RYR3: variants seen among roughly 807,000 people sequenced by gnomAD.
RYR3 encodes brain ryanodine receptor-calcium release channel.
Under a neutral mutation model 584.3 loss-of-function variants are expected in RYR3, and 207 were observed. The observed-to-expected ratio is 0.35, with a 90% CI of 0.32 to 0.40. The LOEUF is 0.40. Ranked by LOEUF, RYR3 falls within the 10% of genes least tolerant of loss-of-function variation. RYR3 has a pLI of 1.00. For synonymous variants in RYR3, 2,416 were observed against 2,248.5 expected (o/e 1.07, Z -2.11); for missense variants, 5,616 against 6,089.2 (o/e 0.92, Z 2.59).
chr15:33,813,563 C>A lies in RYR3; in HGVS notation c.10486C>A (p.Leu3496Ile). 6.2e-7 allele frequency: 1 copy of A among 1,613,772 alleles called. No homozygotes were observed. ...GGTGGCCTGTTTCAGGATGGCCCCT[C>A]TCTACAACCTGCCCAGGCAAGTATT... ...AVVACFRMAPLYNLPRHRSIN... is the reference protein window; with the variant it reads ...AVVACFRMAPIYNLPRHRSIN... Residue 3496 changes from leucine to isoleucine, a missense_variant, in exon 74 of 104, where the codon CTC (leucine) becomes ATC (isoleucine). By Grantham distance (5) the Leu-to-Ile change is conservative (BLOSUM62 2). Around this residue, in one of 9 missense-constraint regions of RYR3, gnomAD observed 954 missense variants for 1,132.2 expected, o/e 0.84. Transcript: ENST00000634891.
At chr15:33,681,287 C>G (rs890856914) in intron 38 of RYR3, among the ~76,000 whole-genome samples, 15 of 152,168 alleles carry the variant, frequency 9.9e-5, no homozygotes, top group African/African-American at 3.6e-4. Flanking sequence ...TCTACTGTTG[C>G]TATAGCAAAT....
chr15:33,410,735 G>A (rs951833362), intron 1 of RYR3, among the ~76,000 whole-genome samples: 6 of 152,188 alleles, frequency 3.9e-5, no homozygotes, highest in African/African-American at 1.4e-4. Context: ...GGAAGGCCAC[G>A]AGAGGAACCA....
chr15:33,736,469 A>T lies in RYR3; in HGVS notation c.7515+144A>T, dbSNP rs187505272. On this transcript the variant is annotated intron_variant, in intron 49 of 103. Transcript: ENST00000634891. ...AGTTGATGGTTAGCTAACAAGATAG[A>T]TCCCACAAAACCAAGTCCTTTCTTG... is the stretch of plus-strand genomic sequence containing the variant. The T allele has an allele frequency of 8.2e-4, 455 of 556,754 alleles. 2 individuals carry two copies. The highest frequency in any genetic ancestry group is 7.8e-3 in the African/African-American group (408 of 52,600). The allele number at this position is 556,754 out of a possible 1,614,324, so 34.5% of individuals were successfully genotyped here.
At chr15:33,384,500 CTAT>C (rs1471677092) in intron 1 of RYR3, among the ~76,000 whole-genome samples, 1 of 143,988 alleles carries the variant, frequency 6.9e-6, no homozygotes, top group Non-Finnish European at 1.5e-5. Flanking sequence ...AATAATTATA[CTAT>C]TATTTTAATT....
At chr15:33,613,729 A>T (rs141361166) in intron 19 of RYR3, among the ~76,000 whole-genome samples, 3 of 152,256 alleles carry the variant, frequency 2.0e-5, no homozygotes, top group Non-Finnish European at 4.4e-5. Flanking sequence ...ATGGTTAGCT[A>T]TAATCTCTAT....
chr15:33,650,859 A>C (rs927789958), intron 31 of RYR3, among the ~76,000 whole-genome samples: 6 of 152,244 alleles, frequency 3.9e-5, no homozygotes, highest in Non-Finnish European at 1.5e-5. Context: ...CAGCTGTATA[A>C]TTATTATTCC....
intron 1 of RYR3, among the ~76,000 whole-genome samples, chr15:33,352,482 C>T (rs1973414397): frequency 6.6e-6 from 1 of 152,116 alleles, no homozygotes; most frequent in Admixed American, 6.6e-5. Flanking sequence ...CACTGCTGAG[C>T]CAAGCCCACC....
In RYR3 at chr15:33,669,856, G is replaced by T. The variant is rs868465342; in HGVS notation, c.5722+400G>T. On this transcript the variant is annotated intron_variant, in intron 37 of 103. Transcript: ENST00000634891. ...GGTGTGTGTGTGTGGGGGGGGGGGG[G>T]GGTGTGGGTGTGTGGGTGTGTGTGG... Among the ~76,000 whole-genome samples, 89 of 47,370 alleles carry T rather than the reference G, an allele frequency of 1.9e-3. 2 individuals are homozygous for T. The highest frequency in any genetic ancestry group is 2.9e-3 in the East Asian group (4 of 1,362). The allele number at this position is 47,370 out of a possible 152,430, so 31.1% of individuals were successfully genotyped here.
chr15:33,311,716 G>A lies in RYR3; in HGVS notation c.51+620G>A, dbSNP rs1967330805. On this transcript the variant is annotated intron_variant, in intron 1 of 103. Transcript: ENST00000634891. This position sits in a 1 kb window ranked among gnomAD's most constrained non-coding sequence, Gnocchi z 4.4. ...CTGCTGGAGCCTGACTTGACTGACT[G>A]CCTGTCGTGTGTTCGAGAGCTGTGG... 6.6e-6 allele frequency among the ~76,000 whole-genome samples: 1 copy of A among 152,244 alleles called. No individual in the cohort carries two copies. The highest frequency in any genetic ancestry group is 6.5e-5 in the Admixed American group (1 of 15,286).
intron 1 of RYR3, among the ~76,000 whole-genome samples, chr15:33,379,037 C>T (rs917166911): frequency 6.6e-6 from 1 of 152,134 alleles, no homozygotes; most frequent in African/African-American, 2.4e-5. Flanking sequence ...CACAAAGGTT[C>T]TCTTTTTCTC....
intron 32 of RYR3, among the ~76,000 whole-genome samples, chr15:33,657,363 G>A (rs1431749223): frequency 3.3e-5 from 5 of 152,202 alleles, no homozygotes; most frequent in African/African-American, 1.2e-4. Flanking sequence ...TCGACTGAAT[G>A]CATTTCTCTC....
Position 33,311,222 on chromosome 15 carries a change from G to A in RYR3, c.51+126G>A. ...GGTGCCGGGCGCTTTCTCCGCACCC[G>A]CGGGCTGCAGAGGCGGACCGGCCAC... On this transcript the variant is annotated intron_variant, in intron 1 of 103. Coordinates refer to ENST00000634891, the MANE Select transcript of RYR3 (RefSeq NM_001036.6). The surrounding 1 kb of genome is among the most constrained non-coding windows in gnomAD (Gnocchi z 4.4). The A allele has an allele frequency of 1.0e-5, 7 of 667,802 alleles. No homozygotes were observed. The Admixed American group carries it at 1.3e-4, about 13-fold the overall frequency. The allele number at this position is 667,802 out of a possible 1,614,324, so 41.4% of individuals were successfully genotyped here. A position where few individuals can be genotyped will look rare whatever the true frequency, so the allele number is the denominator to read the frequency against.
In RYR3 at chr15:33,838,930, G is replaced by A. The variant is rs377371320; in HGVS notation, c.12950G>A (p.Ser4317Asn). 83 of 1,613,046 alleles carry A rather than the reference G, an allele frequency of 5.1e-5. 1 individual carries two copies. The African/African-American group carries it at 1.0e-3, about 20-fold the overall frequency. ...AAGGATGAACCCCCTACATTAGAGA[G>A]TACTGTACAGAAGAAGAGGAAAGCT... The part of the protein sequence containing the change: ...IGKDEPPTLE[S>N]TVQKKRKAQA... The change falls in exon 89 of 104, where the codon AGT becomes AAT. Residue 4317 changes from serine (S) to asparagine (N), a missense_variant. By Grantham distance (46) the Ser-to-Asn change is conservative. This residue lies in a region of RYR3 where 918 missense variants were observed against 887.4 expected (regional missense o/e 1.03). Transcript: ENST00000634891.
At chr15:33,326,099 C>G (rs139238088) in intron 1 of RYR3, among the ~76,000 whole-genome samples, 4 of 152,244 alleles carry the variant, frequency 2.6e-5, no homozygotes, top group African/African-American at 7.2e-5. Flanking sequence ...CAACCATGCC[C>G]GGCCTATTTC....
chr15:33,425,873 A>C (rs995695283), intron 1 of RYR3, among the ~76,000 whole-genome samples: 13 of 152,058 alleles, frequency 8.5e-5, no homozygotes, highest in Admixed American at 3.9e-4. Flanking sequence ...CAATCTCCTG[A>C]CCTCGTGATC....
At chr15:33,370,813 A>G (rs1056064522) in intron 1 of RYR3, among the ~76,000 whole-genome samples, 4 of 152,156 alleles carry the variant, frequency 2.6e-5, no homozygotes, top group African/African-American at 9.7e-5. Flanking sequence ...GAAGACAGAC[A>G]TAAGGAACTG....
rs185546745 is a variant in RYR3, at chr15:33,415,404, T to A, written c.52-58015T>A. ...TCCCTTTTCTCTTTCATTTAATAAT[T>A]TGCATGACTGTAAGGGACCTGAATT... On this transcript the variant is annotated intron_variant, in intron 1 of 103. Transcript: ENST00000634891. Among the ~76,000 whole-genome samples, 24 of 152,268 alleles carry A rather than the reference T, an allele frequency of 1.6e-4. No homozygotes were observed. In the East Asian group the frequency reaches 4.1e-3, roughly 26 times the overall value.
chr15:33,765,292 A>G (rs2072917775), intron 60 of RYR3, among the ~76,000 whole-genome samples: 1 of 152,140 alleles, frequency 6.6e-6, no homozygotes, highest in South Asian at 2.1e-4. Flanking sequence ...AAAGAAATAC[A>G]GGAATGGACT....
At chr15:33,613,161 C>T (rs374281503) in intron 18 of RYR3, 22 bp from the exon 19 acceptor site, 39 of 1,603,846 alleles carry the variant, frequency 2.4e-5, no homozygotes, top group Non-Finnish European at 2.9e-5. Context: ...CCACAGCCTT[C>T]TTCCTGTTCT....
Sources: gnomAD v4.1 joint callset for allele counts (sites outside exome capture counted in the v4.1 genomes callset) on GRCh38, gnomAD v4.1.1 for gene constraint, gnomAD v4.1.1 regional missense constraint, Gnocchi (gnomAD v3.1) non-coding constraint, MANE v1.5 for transcripts, NCBI Gene and HGNC (gene_info 2026-07-23, HGNC 2026-07-21) for gene names.